TSPAN9: variants seen among roughly 807,000 people sequenced by gnomAD.
TSPAN9 encodes the protein tetraspanin-9.
A neutral mutation model predicts 31.0 loss-of-function variants in TSPAN9; 16 were observed. The ratio of observed to expected loss-of-function variants is 0.52; its 90% CI spans 0.35 to 0.78. The LOEUF (loss-of-function observed/expected upper bound fraction) is 0.78, where lower values mean the gene tolerates loss of function less well. TSPAN9 is among the 30% of genes least tolerant of loss of function. The pLI is 0.01. For synonymous variants in TSPAN9, 145 were observed against 121.6 expected (o/e 1.19, Z -1.27); for missense variants, 272 against 312.5 (o/e 0.87, Z 0.98).
chr12:3,167,763 G>A (rs578136678), intron 2 of TSPAN9, among the ~76,000 whole-genome samples: 1 of 152,340 alleles, frequency 6.6e-6, no homozygotes, highest in South Asian at 2.1e-4. Context: ...GGCCAGATGT[G>A]GCTGCTGACC....
At chr12:3,225,845 G>T (rs1291689091) in intron 3 of TSPAN9, among the ~76,000 whole-genome samples, 1 of 152,100 alleles carries the variant, frequency 6.6e-6, no homozygotes, top group African/African-American at 2.4e-5. Flanking sequence ...CCCTAGAGAG[G>T]TGGACAGGTT....
chr12:3,199,716 T>C (rs907267487), intron 2 of TSPAN9, among the ~76,000 whole-genome samples: 11 of 151,750 alleles, frequency 7.2e-5, no homozygotes, highest in African/African-American at 2.2e-4. Context: ...CGGAGCGCCT[T>C]GTGTGCGCGC....
chr12:3,232,702 C>G (rs932771538), intron 3 of TSPAN9, among the ~76,000 whole-genome samples: 6 of 152,172 alleles, frequency 3.9e-5, no homozygotes, highest in African/African-American at 1.4e-4. Context: ...CTGGCGCATC[C>G]AGCCCTCCCT....
intron 2 of TSPAN9, among the ~76,000 whole-genome samples, chr12:3,164,655 G>C (rs2098347324): frequency 6.6e-6 from 1 of 152,184 alleles, no homozygotes; most frequent in African/African-American, 2.4e-5. Flanking sequence ...TGGTAGGTTG[G>C]CAAGTGCCGG....
intron 2 of TSPAN9, among the ~76,000 whole-genome samples, chr12:3,109,671 G>A (rs1282032950): frequency 2.6e-5 from 4 of 151,682 alleles, no homozygotes; most frequent in Non-Finnish European, 5.9e-5. Flanking sequence ...CGTGGCAGGC[G>A]CCTGTAATCC....
chr12:3,101,653 C>T (rs931931766), intron 2 of TSPAN9, among the ~76,000 whole-genome samples: 1 of 152,170 alleles, frequency 6.6e-6, no homozygotes, highest in Non-Finnish European at 1.5e-5. Flanking sequence ...TGCTACCACC[C>T]CTGGGCGGTG....
intron 3 of TSPAN9, among the ~76,000 whole-genome samples, chr12:3,235,526 A>G (rs1330885263): frequency 6.6e-6 from 1 of 151,978 alleles, no homozygotes; most frequent in Non-Finnish European, 1.5e-5. Flanking sequence ...ATGTTTGTGA[A>G]AGTTCCCACT....
At chr12:3,224,920 C>T (rs915134617) in intron 3 of TSPAN9, among the ~76,000 whole-genome samples, 2 of 152,070 alleles carry the variant, frequency 1.3e-5, no homozygotes, top group Non-Finnish European at 2.9e-5. Context: ...GATTACAGGG[C>T]GGCCACGCTC....
chr12:3,081,479 A>G lies in TSPAN9; in HGVS notation c.-84-2174A>G, dbSNP rs147411848. ...TTCCACCTTCCTGGTTGGTTCTTCCATCCCTCTCCTCTTTCAAGACCTTTC... is the reference window on the plus strand; with the variant it reads ...TTCCACCTTCCTGGTTGGTTCTTCCGTCCCTCTCCTCTTTCAAGACCTTTC... On this transcript the variant is annotated intron_variant, in intron 1 of 8. Transcript: ENST00000011898. Among the ~76,000 whole-genome samples, 7 of 151,892 alleles carry G rather than the reference A, an allele frequency of 4.6e-5. No individual in the cohort carries two copies. The East Asian group carries it at 1.4e-3, about 30-fold the overall frequency.
At chr12:3,137,147 T>C (rs2098332502) in intron 2 of TSPAN9, among the ~76,000 whole-genome samples, 1 of 152,212 alleles carries the variant, frequency 6.6e-6, no homozygotes, top group Admixed American at 6.5e-5. Flanking sequence ...AGTGGATGGC[T>C]CCTGGGCTCC....
At position 3,163,329 on chromosome 12, in the gene TSPAN9, C is replaced by T. The variant is rs368704992; in HGVS notation, c.-17-37848C>T. Among the ~76,000 whole-genome samples the T allele has an allele frequency of 5.6e-4, 85 of 152,346 alleles. No homozygotes were observed. The South Asian group carries it at 8.3e-3, about 15-fold the overall frequency. On this transcript the variant is annotated intron_variant, in intron 2 of 8. Coordinates refer to ENST00000011898, the MANE Select transcript of TSPAN9 (RefSeq NM_006675.5). ...TGACAATCCCATCTTTTGCTTCTCTCGCTCTTTTGTTTCTACCTCTGTTTG... is the reference window on the plus strand; with the variant it reads ...TGACAATCCCATCTTTTGCTTCTCTTGCTCTTTTGTTTCTACCTCTGTTTG...
intron 2 of TSPAN9, among the ~76,000 whole-genome samples, chr12:3,127,878 C>T (rs1341694654): frequency 6.6e-6 from 1 of 152,144 alleles, no homozygotes; most frequent in Non-Finnish European, 1.5e-5. Flanking sequence ...CTTCCACCTC[C>T]ACCTTCGTAT....
Position 3,286,461 on chromosome 12 carries a change from A to G in TSPAN9, c.*3345A>G, listed in dbSNP as rs550859932. ...GGTTTCAGATGCACTTTCTGCTTGC[A>G]TTGCCGTATCTGTGCGTTCCTTCAT... is the stretch of plus-strand genomic sequence containing the variant. On this transcript the variant is annotated 3_prime_UTR_variant, in exon 9 of 9. Transcript: ENST00000011898. This position sits in a 1 kb window ranked among gnomAD's most constrained non-coding sequence, Gnocchi z 4.1. 52 of 152,586 alleles carry G rather than the reference A, an allele frequency of 3.4e-4. No homozygotes were observed. The highest frequency in any genetic ancestry group is 1.1e-3 in the African/African-American group (45 of 41,486). 9.5% of individuals were successfully genotyped at this position (152,586 alleles called of 1,614,324 possible).
At chr12:3,079,578 C>T (rs1189586329) in intron 1 of TSPAN9, among the ~76,000 whole-genome samples, 4 of 152,154 alleles carry the variant, frequency 2.6e-5, no homozygotes, top group Non-Finnish European at 5.9e-5. Flanking sequence ...TCTCCTGCCT[C>T]AACCTCCCAA....
At chr12:3,237,517 G>A (rs1028737804) in intron 3 of TSPAN9, among the ~76,000 whole-genome samples, 1 of 152,068 alleles carries the variant, frequency 6.6e-6, no homozygotes, top group African/African-American at 2.4e-5. Flanking sequence ...CCTCACCAAG[G>A]ACACTCCAGT....
chr12:3,157,089 G>C (rs1352451970), intron 2 of TSPAN9, among the ~76,000 whole-genome samples: 2 of 151,910 alleles, frequency 1.3e-5, no homozygotes, highest in African/African-American at 4.8e-5. Context: ...ACTTAATTCA[G>C]GCTGAATGTG....
intron 3 of TSPAN9, among the ~76,000 whole-genome samples, chr12:3,262,516 T>C (rs1050543489): frequency 2.0e-5 from 3 of 152,184 alleles, no homozygotes; most frequent in Admixed American, 6.5e-5. Flanking sequence ...CGGTGCCTCT[T>C]GCCAGCTCAC....
intron 2 of TSPAN9, chr12:3,200,155 C>T (rs2098370514): frequency 6.6e-6 from 1 of 152,354 alleles, no homozygotes; most frequent in East Asian, 1.9e-4. Flanking sequence ...AGCGAGTGCT[C>T]GCGGCGCACT....
chr12:3,102,301 AT>A (rs2098312218), intron 2 of TSPAN9, among the ~76,000 whole-genome samples: 1 of 151,388 alleles, frequency 6.6e-6, no homozygotes, highest in African/African-American at 2.4e-5. Flanking sequence ...CATTTTTAAA[AT>A]TTTTTTGTAG....
Sources: gnomAD v4.1 joint callset for allele counts (sites outside exome capture counted in the v4.1 genomes callset) on GRCh38, gnomAD v4.1.1 for gene constraint, Gnocchi (gnomAD v3.1) non-coding constraint, MANE v1.5 for transcripts, NCBI Gene and HGNC (gene_info 2026-07-23, HGNC 2026-07-21) for gene names.